CECR2: variants seen among roughly 807,000 people sequenced by gnomAD.
CECR2 encodes the protein CECR2 histone acetyl-lysine reader.
In CECR2, 30 loss-of-function variants were observed where a neutral mutation model predicts 154.5. That is an observed-to-expected ratio of 0.19 (90% confidence interval 0.15 to 0.26). The LOEUF (loss-of-function observed/expected upper bound fraction) is 0.26. CECR2 is among the 10% of genes least tolerant of loss of function. The pLI is 1.00. For synonymous variants in CECR2, 725 were observed against 683.7 expected (o/e 1.06, Z -0.94); for missense variants, 1,743 against 1,829.3 (o/e 0.95, Z 0.86).
At position 17,491,027 on chromosome 22, in the gene CECR2, T is replaced by C. The variant is rs1263268217; in HGVS notation, c.222-6376T>C. Among the ~76,000 whole-genome samples, 4 of 151,910 alleles carry C rather than the reference T, an allele frequency of 2.6e-5. No individual in the cohort carries two copies. In the Admixed American group the frequency reaches 2.6e-4, roughly 10 times the overall value. The stretch of plus-strand genomic sequence containing the variant: ...TTTCACTTAGAGTTATTTTTCAAGT[T>C]TTAACCATGTTGTAGCATGAATCAG... On this transcript the variant is annotated intron_variant, in intron 2 of 18. Transcript: ENST00000262608.
chr22:17,454,375 C>T (rs756664394), intron 1 of CECR2, among the ~76,000 whole-genome samples: 7 of 151,610 alleles, frequency 4.6e-5, no homozygotes, highest in Non-Finnish European at 7.4e-5. Flanking sequence ...GAGGCTGAGG[C>T]GGGTGGATCC....
rs1486313824 is a variant in CECR2 at position 17,548,504 on chromosome 22, A to C, written c.3217A>C (p.Ser1073Arg). Residue 1073 changes from serine (S) to arginine (R), a missense_variant, in exon 17 of 19, where the codon AGC becomes CGC. Ser to Arg is a moderately radical substitution (Grantham distance 110). Transcript: ENST00000262608. ...TGGATCGGAGGGGAAGGGCCTTGGT[A>C]GCAGTGGTTCCGAAAAGCTGCTCTG... ...PCGSEGKGLG[S>R]SGSEKLLCPR... The C allele has an allele frequency of 1.2e-6, 2 of 1,613,838 alleles. No homozygotes were observed. The highest frequency in any genetic ancestry group is 3.3e-5 in the Admixed American group (2 of 59,994).
In CECR2 at chr22:17,498,961, T is replaced by C. The variant is rs184021325; in HGVS notation, c.406-449T>C. ...TTTCTTATGCTGATTGAAAATTACA[T>C]AAGATACTTGGACATTTTTATTTAT... is the stretch of plus-strand genomic sequence containing the variant. On this transcript the variant is annotated intron_variant, in intron 3 of 18. Transcript: ENST00000262608. Among the ~76,000 whole-genome samples, 100 of 152,154 alleles carry C rather than the reference T, an allele frequency of 6.6e-4. 1 individual carries two copies. The highest frequency in any genetic ancestry group is 1.1e-3 in the Non-Finnish European group (73 of 68,008).
chr22:17,469,547 C>G (rs948202895), intron 1 of CECR2, among the ~76,000 whole-genome samples: 1 of 151,934 alleles, frequency 6.6e-6, no homozygotes, highest in African/African-American at 2.4e-5. Flanking sequence ...GGACCTCTTT[C>G]CCATGATGGA....
chr22:17,515,568 ACATTT>A (rs2056036336), intron 8 of CECR2, among the ~76,000 whole-genome samples: 1 of 152,246 alleles, frequency 6.6e-6, no homozygotes, highest in South Asian at 2.1e-4. Context: ...AGACATTCAT[ACATTT>A]CAAGAATTGT....
intron 1 of CECR2, among the ~76,000 whole-genome samples, chr22:17,404,981 C>T (rs899505153): frequency 2.0e-5 from 3 of 151,758 alleles, no homozygotes; most frequent in African/African-American, 7.3e-5. Flanking sequence ...GATGATGGTA[C>T]CTCTCTCTCT....
At chr22:17,509,743 C>T (rs1372270683) in intron 7 of CECR2, among the ~76,000 whole-genome samples, 8 of 152,164 alleles carry the variant, frequency 5.3e-5, no homozygotes, top group South Asian at 2.1e-4. Flanking sequence ...AGACACTACT[C>T]GGTCCTCTCC....
chr22:17,552,169 T>C lies in CECR2; in HGVS notation c.4389+27T>C, dbSNP rs759677351. 32 of 1,585,606 alleles carry C rather than the reference T, an allele frequency of 2.0e-5. 1 individual carries two copies. Among genetic ancestry groups the C allele is most frequent in the Non-Finnish European group, 2.8e-5 (32 of 1,154,186 alleles). On this transcript the variant is annotated intron_variant, in intron 18 of 18. Coordinates refer to ENST00000262608, the MANE Select transcript of CECR2 (RefSeq NM_001290047.2). Reference sequence around the variant, plus strand: ...TAAGGATCACTAAAAATTAGAGCTGTTCTTCTTCCTCCAGGTGGTAGGAAG... The same window carrying C: ...TAAGGATCACTAAAAATTAGAGCTGCTCTTCTTCCTCCAGGTGGTAGGAAG...
At chr22:17,459,179 A>G (rs951213181) in intron 1 of CECR2, among the ~76,000 whole-genome samples, 1 of 152,220 alleles carries the variant, frequency 6.6e-6, no homozygotes, top group Non-Finnish European at 1.5e-5. Flanking sequence ...CAGTTACAGT[A>G]AGAACCTGCA....
chr22:17,470,966 A>G (rs1281552079), intron 1 of CECR2, among the ~76,000 whole-genome samples: 1 of 152,364 alleles, frequency 6.6e-6, no homozygotes, highest in African/African-American at 2.4e-5. Flanking sequence ...TAGTAGCAAG[A>G]GAATGATGAC....
In CECR2 at chr22:17,499,599, T is replaced by C. The variant is rs765519450; in HGVS notation, c.545+50T>C. 8.6e-6 allele frequency: 13 copies of C among 1,518,988 alleles called. No homozygotes were observed. In the South Asian group the frequency reaches 1.6e-4, roughly 19 times the overall value. 94.1% of individuals were successfully genotyped at this position (1,518,988 alleles called of 1,614,324 possible). A position where few individuals can be genotyped will look rare whatever the true frequency, so the allele number is the denominator to read the frequency against. On this transcript the variant is annotated intron_variant, in intron 4 of 18. Coordinates refer to ENST00000262608, the MANE Select transcript of CECR2 (RefSeq NM_001290047.2). ...GATAGCTACTGTATTAAAATGTCAT[T>C]AAGATTAAATGCATCAGAATTCTAC...
rs572278360 is a variant in CECR2, at chr22:17,539,532, G to C, written c.1495+413G>C. The stretch of plus-strand genomic sequence containing the variant: ...TGTTGTGAGGTGGGGGAAGAGGGGA[G>C]GGATAGCATTAGGAGATACATATAC... On this transcript the variant is annotated intron_variant, in intron 13 of 18. Coordinates refer to ENST00000262608, the MANE Select transcript of CECR2 (RefSeq NM_001290047.2). Among the ~76,000 whole-genome samples, 14 of 152,220 alleles carry C rather than the reference G, an allele frequency of 9.2e-5. No homozygotes were observed. In the South Asian group the frequency reaches 2.9e-3, roughly 32 times the overall value.
intron 2 of CECR2, among the ~76,000 whole-genome samples, chr22:17,486,514 C>T: frequency 6.6e-6 from 1 of 152,172 alleles, no homozygotes; most frequent in East Asian, 1.9e-4. Context: ...CCCCTTGCGG[C>T]TTGGATGAAG....
In CECR2 at chr22:17,461,985, G is replaced by A. The variant is rs1398621068; in HGVS notation, c.127-15603G>A. Among the ~76,000 whole-genome samples the A allele has an allele frequency of 3.3e-5, 5 of 151,710 alleles. No homozygotes were observed. In the East Asian group the frequency reaches 9.9e-4, roughly 30 times the overall value. ...TTTTTTTATTTTTAGTAGAGACAGGGTTTCACCATGTTGGTCAGGCTGATC... is the reference window on the plus strand; with the variant it reads ...TTTTTTTATTTTTAGTAGAGACAGGATTTCACCATGTTGGTCAGGCTGATC... On this transcript the variant is annotated intron_variant, in intron 1 of 18. Transcript: ENST00000262608.
chr22:17,500,210 A>C (rs1383239524), intron 4 of CECR2, among the ~76,000 whole-genome samples: 9 of 7,272 alleles, frequency 1.2e-3, no homozygotes, highest in African/African-American at 3.7e-3. Flanking sequence ...GACTCCATCA[A>C]AAAAAAAAAA....
intron 1 of CECR2, among the ~76,000 whole-genome samples, chr22:17,427,603 T>C (rs2054351420): frequency 6.6e-6 from 1 of 151,996 alleles, no homozygotes; most frequent in Admixed American, 6.6e-5. Flanking sequence ...CTTTTAAAGG[T>C]GGTGTGGACC....
chr22:17,389,351 C>G (rs2063301179), intron 1 of CECR2, among the ~76,000 whole-genome samples: 1 of 152,186 alleles, frequency 6.6e-6, no homozygotes, highest in African/African-American at 2.4e-5. Flanking sequence ...AACTGCCTGC[C>G]TGCCTGTCCG....
intron 1 of CECR2, among the ~76,000 whole-genome samples, chr22:17,414,271 G>A (rs1471654514): frequency 1.3e-5 from 2 of 152,146 alleles, no homozygotes; most frequent in Admixed American, 6.6e-5. Context: ...TGCGCCCGGC[G>A]GAAGGAGGAT....
At chr22:17,446,621 A>C (rs1452382309) in intron 1 of CECR2, among the ~76,000 whole-genome samples, 1 of 151,536 alleles carries the variant, frequency 6.6e-6, no homozygotes, top group Non-Finnish European at 1.5e-5. Context: ...GGAGGTTAGG[A>C]AGGAGAATGA....
Sources: allele counts gnomAD v4.1 joint callset (sites outside exome capture counted in the v4.1 genomes callset), GRCh38; gene constraint gnomAD v4.1.1; transcripts MANE v1.5; gene names NCBI Gene and HGNC (gene_info 2026-07-23, HGNC 2026-07-21).